C1QTNF7: variants seen among roughly 807,000 people sequenced by gnomAD.
The protein encoded by C1QTNF7 is C1q and TNF related 7.
Under a neutral mutation model 19.6 loss-of-function variants are expected in C1QTNF7, and 15 were observed. The observed-to-expected ratio is 0.76, with a 90% CI of 0.51 to 1.18. The LOEUF (loss-of-function observed/expected upper bound fraction) is 1.18, where lower values mean the gene tolerates loss of function less well. Ranked by LOEUF, C1QTNF7 falls within the 50% of genes most tolerant of loss-of-function variation. The probability of loss-of-function intolerance (pLI) is 0.00; values close to 1 mark genes in which losing one functional copy is unlikely to be tolerated. For missense variants in C1QTNF7, 324 were observed against 359.7 expected (o/e 0.90, Z 0.80); for synonymous variants, 142 against 137.5 (o/e 1.03, Z -0.23).
chr4:15,389,577 A>C (rs1254299668), intron 1 of C1QTNF7, among the ~76,000 whole-genome samples: 1 of 151,952 alleles, frequency 6.6e-6, no homozygotes, highest in African/African-American at 2.4e-5. Context: ...ACACCACCAC[A>C]CCCGGCTAAT....
intron 1 of C1QTNF7, among the ~76,000 whole-genome samples, chr4:15,363,789 A>G (rs569353013): frequency 4.6e-5 from 7 of 152,350 alleles, no homozygotes; most frequent in Non-Finnish European, 1.0e-4. Context: ...GGCACAAACT[A>G]AGACAATATG....
chr4:15,428,428 CA>C (rs1712151532), intron 1 of C1QTNF7, among the ~76,000 whole-genome samples: 1 of 151,940 alleles, frequency 6.6e-6, no homozygotes, highest in Non-Finnish European at 1.5e-5. Context: ...ATAAAGTAGT[CA>C]AAACTTTATC....
chr4:15,414,412 C>A (rs942873627), intron 1 of C1QTNF7, among the ~76,000 whole-genome samples: 1 of 152,194 alleles, frequency 6.6e-6, no homozygotes, highest in Non-Finnish European at 1.5e-5. Context: ...TTTACACACA[C>A]TATAACCTAA....
intron 1 of C1QTNF7, among the ~76,000 whole-genome samples, chr4:15,412,333 C>T (rs1425208338): frequency 2.6e-5 from 4 of 151,936 alleles, no homozygotes; most frequent in Admixed American, 2.6e-4. Context: ...CCCACCCCCA[C>T]CAGTCTGTGG....
At chr4:15,416,304 G>C (rs756276928) in intron 1 of C1QTNF7, among the ~76,000 whole-genome samples, 84 of 152,222 alleles carry the variant, frequency 5.5e-4, no homozygotes, top group Non-Finnish European at 1.1e-3. Flanking sequence ...TACATGCCAG[G>C]CTCTGTTTTA....
chr4:15,435,603 C>A, intron 1 of C1QTNF7, 133 bp from the exon 2 acceptor site: 2 of 1,274,408 alleles, frequency 1.6e-6, no homozygotes, highest in Admixed American at 2.5e-5. Context: ...CAGTGTTTTA[C>A]ATGTCTGGAA....
At chr4:15,400,124 C>G (rs370726922) in intron 1 of C1QTNF7, among the ~76,000 whole-genome samples, 16 of 152,178 alleles carry the variant, frequency 1.1e-4, no homozygotes, top group East Asian at 9.6e-4. Context: ...AAGATATCGT[C>G]CATTGTTGCT....
Position 15,420,426 on chromosome 4 carries a change from C to T in C1QTNF7, c.14-15310C>T, listed in dbSNP as rs569290879. Among the ~76,000 whole-genome samples, 8 of 152,234 alleles carry T rather than the reference C, an allele frequency of 5.3e-5. No individual in the cohort carries two copies. In the South Asian group the frequency reaches 1.7e-3, roughly 32 times the overall value. On this transcript the variant is annotated intron_variant, in intron 1 of 2. Coordinates refer to the C1QTNF7 transcript ENST00000295297. ...ATCCAAAGACATGCATTTCCTAGTC[C>T]CAACAAGAACGTAAACTCTAAACAC... is the stretch of plus-strand genomic sequence containing the variant.
intron 1 of C1QTNF7, among the ~76,000 whole-genome samples, chr4:15,405,857 T>G (rs1452466018): frequency 6.6e-6 from 1 of 152,136 alleles, no homozygotes; most frequent in Non-Finnish European, 1.5e-5. Flanking sequence ...TACCCCCACT[T>G]GCTCTGTCCT....
intron 1 of C1QTNF7, among the ~76,000 whole-genome samples, chr4:15,354,261 T>G (rs1424292292): frequency 6.6e-6 from 1 of 152,138 alleles, no homozygotes; most frequent in African/African-American, 2.4e-5. Flanking sequence ...GTTTGGTCAG[T>G]GAAGAATGTT....
At chr4:15,431,332 C>A (rs1712297772) in intron 1 of C1QTNF7, among the ~76,000 whole-genome samples, 2 of 151,960 alleles carry the variant, frequency 1.3e-5, no homozygotes, top group African/African-American at 4.8e-5. Flanking sequence ...ATATGGGATG[C>A]CAACATGGGG....
At chr4:15,410,006 T>C (rs1339897107) in intron 1 of C1QTNF7, among the ~76,000 whole-genome samples, 2 of 152,184 alleles carry the variant, frequency 1.3e-5, no homozygotes, top group African/African-American at 4.8e-5. Context: ...CCAAGTCAGT[T>C]GACTTAAAGC....
At chr4:15,423,531 G>A (rs1711888686), upstream of C1QTNF7, among the ~76,000 whole-genome samples, 1 of 152,206 alleles carries the variant, frequency 6.6e-6, no homozygotes, top group Admixed American at 6.5e-5. Flanking sequence ...GAAAAGCCAG[G>A]AAAGCGGCAG....
At chr4:15,394,346 G>A (rs545508587) in intron 1 of C1QTNF7, among the ~76,000 whole-genome samples, 1 of 152,364 alleles carries the variant, frequency 6.6e-6, no homozygotes, top group South Asian at 2.1e-4. Flanking sequence ...CAACCAAAAT[G>A]TGCCCAGTAG....
intron 1 of C1QTNF7, among the ~76,000 whole-genome samples, chr4:15,422,140 C>T (rs539425984): frequency 4.1e-5 from 6 of 145,274 alleles, no homozygotes; most frequent in Admixed American, 7.0e-5. Context: ...CCAAAAATCA[C>T]GAAACTATTA....
intron 1 of C1QTNF7, among the ~76,000 whole-genome samples, chr4:15,365,552 G>A (rs969415226): frequency 6.6e-6 from 1 of 152,142 alleles, no homozygotes; most frequent in East Asian, 1.9e-4. Context: ...AACTCTTTTG[G>A]TTGCACATGA....
intron 1 of C1QTNF7, among the ~76,000 whole-genome samples, chr4:15,391,572 C>T (rs1197788160): frequency 6.6e-6 from 1 of 152,136 alleles, no homozygotes; most frequent in Non-Finnish European, 1.5e-5. Context: ...CAAACCAGCA[C>T]AGATCTGAGA....
chr4:15,424,671 C>G (rs1340585346), upstream of C1QTNF7, among the ~76,000 whole-genome samples: 1 of 152,224 alleles, frequency 6.6e-6, no homozygotes, highest in African/African-American at 2.4e-5. Flanking sequence ...ACAGCTGCCC[C>G]TGCACTCCTC....
At chr4:15,436,904 A>G (rs1231394166) in intron 2 of C1QTNF7, among the ~76,000 whole-genome samples, 6 of 152,210 alleles carry the variant, frequency 3.9e-5, no homozygotes, top group African/African-American at 1.4e-4. Flanking sequence ...AAATCATAAA[A>G]CATATTCAGA....
Sources: gnomAD v4.1 joint callset for allele counts (sites outside exome capture counted in the v4.1 genomes callset) on GRCh38, gnomAD v4.1.1 for gene constraint, MANE v1.5 for transcripts, NCBI Gene and HGNC (gene_info 2026-07-23, HGNC 2026-07-21) for gene names.